Variants in TBC1D1 observed in about 807,000 individuals in gnomAD.
TBC1D1 encodes TBC1 domain family member 1, also known as TBC1 (tre-2/USP6, BUB2, cdc16) domain family, member 1.
In TBC1D1, 89 loss-of-function variants were observed where a neutral mutation model predicts 125.6. That is an observed-to-expected ratio of 0.71 (90% CI 0.60 to 0.85). The LOEUF is 0.85. Among genes scored for constraint, TBC1D1 ranks in the 40% least tolerant of loss-of-function variants. TBC1D1 has a pLI of 0.00. For synonymous variants in TBC1D1, 565 were observed against 564.1 expected (o/e 1.00, Z -0.02); for missense variants, 1,377 against 1,469.2 (o/e 0.94, Z 1.03).
chr4:37,974,329 C>T (rs1732627055), intron 2 of TBC1D1, among the ~76,000 whole-genome samples: 1 of 152,004 alleles, frequency 6.6e-6, no homozygotes, highest in South Asian at 2.1e-4. Flanking sequence ...ATCTAGGGCT[C>T]AAATGATCTT....
chr4:37,996,398 G>C (rs960215551), intron 2 of TBC1D1, among the ~76,000 whole-genome samples: 5 of 152,172 alleles, frequency 3.3e-5, no homozygotes. Context: ...AGTGGAAAAT[G>C]GATTAAACTG....
intron 2 of TBC1D1, among the ~76,000 whole-genome samples, chr4:37,981,257 G>T (rs1734284129): frequency 6.6e-6 from 1 of 152,168 alleles, no homozygotes; most frequent in African/African-American, 2.4e-5. Flanking sequence ...GAATCCTTTT[G>T]TAAAGCAAGT....
Position 38,133,068 on chromosome 4 carries a change from T to C in TBC1D1, c.3133-16T>C, listed in dbSNP as rs748144997. On this transcript the variant is annotated splice_polypyrimidine_tract_variant and intron_variant, in intron 18 of 19. Coordinates refer to ENST00000261439, the MANE Select transcript of TBC1D1 (RefSeq NM_015173.4). ...TTCTCAGTTTTAGTACGTGATGACT[T>C]TTCTTTCTATAACAGGTATTTGAAA... 2 of 1,601,894 alleles carry C rather than the reference T, an allele frequency of 1.2e-6. No homozygotes were observed. The highest frequency in any genetic ancestry group is 1.1e-5 in the South Asian group (1 of 88,992).
chr4:37,953,283 C>G (rs1451950559), intron 2 of TBC1D1, among the ~76,000 whole-genome samples: 1 of 152,156 alleles, frequency 6.6e-6, no homozygotes, highest in Non-Finnish European at 1.5e-5. Flanking sequence ...TGGAGGTGAT[C>G]CTGAGTAATT....
intron 12 of TBC1D1, among the ~76,000 whole-genome samples, chr4:38,079,114 G>A (rs1034137041): frequency 2.6e-5 from 4 of 152,140 alleles, no homozygotes; most frequent in African/African-American, 4.8e-5. Flanking sequence ...CGGTGGAGGG[G>A]TTGAAAGCTG....
Position 37,995,603 on chromosome 4 carries a change from C to A in TBC1D1, c.418-18906C>A. On this transcript the variant is annotated intron_variant, in intron 2 of 19. Coordinates refer to ENST00000261439, the MANE Select transcript of TBC1D1 (RefSeq NM_015173.4). This position sits in a 1 kb window ranked among gnomAD's most constrained non-coding sequence, Gnocchi z 4.3. The stretch of plus-strand genomic sequence containing the variant: ...AAGGCCTTCAGGTCCAGTACCCTGG[C>A]CTTGACCTCCCCATAGGCTGTCTTA... The A allele has an allele frequency of 2.1e-6, 1 of 478,436 alleles. No individual in the cohort carries two copies. Among genetic ancestry groups the A allele is most frequent in the Admixed American group, 2.2e-5 (1 of 45,934 alleles). The allele number at this position is 478,436 out of a possible 1,614,324, so 29.6% of individuals were successfully genotyped here. A position where few individuals can be genotyped will look rare whatever the true frequency, so the allele number is the denominator to read the frequency against.
Position 38,138,675 on chromosome 4 carries a change from G to A in TBC1D1, c.*1340G>A, listed in dbSNP as rs1356407863. 1.3e-5 allele frequency: 2 copies of A among 152,768 alleles called. No individual in the cohort carries two copies. Among genetic ancestry groups the A allele is most frequent in the East Asian group, 1.9e-4 (1 of 5,190 alleles). The allele number at this position is 152,768 out of a possible 1,614,324, so 9.5% of individuals were successfully genotyped here. ...TGGGTTGCTTTCTCACAAAGATGGG[G>A]TTCTGTGCAGTCACAGGTCACTTCC... On this transcript the variant is annotated 3_prime_UTR_variant, in exon 20 of 20. Coordinates refer to ENST00000261439, the MANE Select transcript of TBC1D1 (RefSeq NM_015173.4).
At chr4:38,071,026 T>A (rs1351006322) in intron 12 of TBC1D1, among the ~76,000 whole-genome samples, 9 of 152,230 alleles carry the variant, frequency 5.9e-5, no homozygotes, top group Admixed American at 2.0e-4. Flanking sequence ...TTTCCCCTTT[T>A]CTTCTATGGA....
At chr4:38,030,185 A>C (rs957271868) in intron 7 of TBC1D1, among the ~76,000 whole-genome samples, 4 of 152,250 alleles carry the variant, frequency 2.6e-5, no homozygotes, top group South Asian at 2.1e-4. Flanking sequence ...AATACACAAA[A>C]TATTCTTCCG....
intron 2 of TBC1D1, among the ~76,000 whole-genome samples, chr4:37,987,449 A>G (rs1735694375): frequency 6.6e-6 from 1 of 152,216 alleles, no homozygotes; most frequent in Non-Finnish European, 1.5e-5. Flanking sequence ...ATTACAACGC[A>G]TGTTCAATAT....
intron 2 of TBC1D1, among the ~76,000 whole-genome samples, chr4:37,964,687 G>A (rs1280526024): frequency 2.0e-5 from 3 of 152,350 alleles, no homozygotes; most frequent in African/African-American, 7.2e-5. Context: ...TTAGCCCCTG[G>A]CCTGGCTGAA....
chr4:38,019,030 G>A (rs1401966000), intron 4 of TBC1D1, among the ~76,000 whole-genome samples: 2 of 152,084 alleles, frequency 1.3e-5, no homozygotes, highest in Admixed American at 6.6e-5. Flanking sequence ...AGAGTACAGT[G>A]TCTACTTGAA....
At position 38,095,986 on chromosome 4, in the gene TBC1D1, C is replaced by T. The variant is rs1759261190; in HGVS notation, c.2294C>T (p.Pro765Leu). The T allele has an allele frequency of 6.2e-7, 1 of 1,613,956 alleles. No homozygotes were observed. The highest frequency in any genetic ancestry group is 1.7e-4 in the Middle Eastern group (1 of 6,060). ...AAGCTCGATTATGAAGAAATTACTC[C>T]CTGTCTTAAAGAAGTAACTACAGTG... The change falls in exon 14 of 20, where the codon CCC (proline) becomes CTC (leucine). Residue 765 changes from proline to leucine, a missense_variant. Physicochemically the swap from Pro to Leu is moderately conservative, Grantham distance 98 (BLOSUM62 -3). This residue lies in a region of TBC1D1 where 543 missense variants were observed against 613.5 expected (regional missense o/e 0.89). Transcript: ENST00000261439.
At chr4:38,113,588 G>T (rs1326629072) in intron 15 of TBC1D1, among the ~76,000 whole-genome samples, 1 of 152,206 alleles carries the variant, frequency 6.6e-6, no homozygotes, top group Admixed American at 6.5e-5. Flanking sequence ...CAGACGGAGG[G>T]GTCCATTTGG....
intron 17 of TBC1D1, among the ~76,000 whole-genome samples, chr4:38,123,194 AG>A (rs576428764): frequency 2.4e-4 from 37 of 152,330 alleles, no homozygotes; most frequent in African/African-American, 7.7e-4. Context: ...CTGGTGTTGT[AG>A]GGAAAGCCTT....
At chr4:38,095,019 G>A (rs766418315) in intron 13 of TBC1D1, among the ~76,000 whole-genome samples, 4 of 152,054 alleles carry the variant, frequency 2.6e-5, no homozygotes, top group Non-Finnish European at 1.5e-5. Flanking sequence ...AAGTGTGGGG[G>A]TCATTTAATT....
At chr4:38,015,538 C>G (rs1385802259) in intron 3 of TBC1D1, among the ~76,000 whole-genome samples, 2 of 151,758 alleles carry the variant, frequency 1.3e-5, no homozygotes, top group African/African-American at 4.9e-5. Context: ...GGGGGGCTGT[C>G]CCAGGTGGGT....
intron 2 of TBC1D1, among the ~76,000 whole-genome samples, chr4:37,981,667 T>A (rs1443746509): frequency 1.3e-5 from 2 of 152,120 alleles, no homozygotes; most frequent in Non-Finnish European, 2.9e-5. Flanking sequence ...GAGGTATGGC[T>A]GGAATATATC....
At chr4:38,005,241 A>T (rs1402480190) in intron 2 of TBC1D1, among the ~76,000 whole-genome samples, 1 of 152,200 alleles carries the variant, frequency 6.6e-6, no homozygotes, top group Non-Finnish European at 1.5e-5. Context: ...AAGCAAGAGG[A>T]TAGGGAAGGG....
Sources: gnomAD v4.1 joint callset for allele counts (sites outside exome capture counted in the v4.1 genomes callset) on GRCh38, gnomAD v4.1.1 for gene constraint, gnomAD v4.1.1 regional missense constraint, Gnocchi (gnomAD v3.1) non-coding constraint, MANE v1.5 for transcripts, NCBI Gene and HGNC (gene_info 2026-07-23, HGNC 2026-07-21) for gene names.